CDK8: variants seen among roughly 807,000 people sequenced by gnomAD.
The protein encoded by CDK8 is cyclin dependent kinase 8.
A neutral mutation model predicts 71.5 loss-of-function variants in CDK8; 29 were observed. The observed-to-expected ratio is 0.41, with a 90% CI of 0.30 to 0.55. The LOEUF is 0.55. CDK8 is among the 20% of genes least tolerant of loss of function. The probability of loss-of-function intolerance (pLI) is 0.37; values close to 1 mark genes in which losing one functional copy is unlikely to be tolerated. For synonymous variants in CDK8, 161 were observed against 192.1 expected, an observed-to-expected ratio of 0.84 and a Z score of 1.34; for missense variants, 288 against 572.6, an observed-to-expected ratio of 0.50 and a Z score of 5.07.
At chr13:26,303,902 C>G (rs552267823) in intron 1 of CDK8, among the ~76,000 whole-genome samples, 4 of 152,268 alleles carry the variant, frequency 2.6e-5, no homozygotes, top group African/African-American at 9.6e-5. Context: ...CCCAGCTACA[C>G]TCGATTTCTG....
chr13:26,377,420 A>G (rs967869894), intron 4 of CDK8, among the ~76,000 whole-genome samples: 10 of 152,246 alleles, frequency 6.6e-5, no homozygotes, highest in African/African-American at 2.4e-4. Flanking sequence ...TTCAGTGAAC[A>G]TAAGAATGAA....
At chr13:26,321,494 A>AC (rs948199107) in intron 1 of CDK8, among the ~76,000 whole-genome samples, 3 of 152,020 alleles carry the variant, frequency 2.0e-5, no homozygotes, top group Non-Finnish European at 1.5e-5. Flanking sequence ...GGTATTTAAT[A>AC]CCTTTGAACT....
intron 1 of CDK8, among the ~76,000 whole-genome samples, chr13:26,271,806 CTTTTTTTTTTTTTTTTTTTT>C (rs58160694): frequency 2.9e-4 from 18 of 62,664 alleles, no homozygotes; most frequent in African/African-American, 6.1e-4. Context: ...GAGACCCTGT[CTTTTTTTTTTTTTTTTTTTT>C]TTTTTTTTTT....
intron 4 of CDK8, among the ~76,000 whole-genome samples, chr13:26,366,040 T>C (rs572046472): frequency 6.6e-6 from 1 of 152,246 alleles, no homozygotes; most frequent in South Asian, 2.1e-4. Flanking sequence ...TTTAGAGTTA[T>C]TTTCCAGACT....
chr13:26,259,961 CAG>C (rs1197586053), intron 1 of CDK8, among the ~76,000 whole-genome samples: 2 of 152,078 alleles, frequency 1.3e-5, no homozygotes, highest in East Asian at 1.9e-4. Flanking sequence ...TATGGCAACA[CAG>C]AGAAGGAAGT....
At chr13:26,345,662 C>T (rs1220012834) in intron 2 of CDK8, among the ~76,000 whole-genome samples, 3 of 152,096 alleles carry the variant, frequency 2.0e-5, no homozygotes, top group African/African-American at 4.8e-5. Context: ...GGATTACAGG[C>T]GTGAGCCACT....
At chr13:26,315,926 T>G (rs1362116203) in intron 1 of CDK8, among the ~76,000 whole-genome samples, 1 of 152,058 alleles carries the variant, frequency 6.6e-6, no homozygotes, top group Non-Finnish European at 1.5e-5. Context: ...AACCCTGGAG[T>G]CTGTTGAAGG....
chr13:26,383,282 T>A (rs1178426323), intron 5 of CDK8, among the ~76,000 whole-genome samples: 1 of 152,196 alleles, frequency 6.6e-6, no homozygotes, highest in African/African-American at 2.4e-5. Context: ...TCGTCTAGAT[T>A]AGGAGTTGTT....
rs545045423 is a variant in CDK8 at position 26,356,283 on chromosome 13, A to T, written c.456+2403A>T. On this transcript the variant is annotated intron_variant, in intron 4 of 12. Coordinates refer to ENST00000381527, the MANE Select transcript of CDK8 (RefSeq NM_001260.3). ...AATTCTGAACAATTTCAGTAATAAA[A>T]TATTTCTCTACGGTGAGGCAAATCA... Among the ~76,000 whole-genome samples the T allele has an allele frequency of 2.5e-3, 377 of 152,298 alleles. 1 individual carries two copies. The highest frequency in any genetic ancestry group is 3.7e-3 in the Non-Finnish European group (254 of 68,028).
chr13:26,341,231 A>T (rs1292795526), intron 2 of CDK8, among the ~76,000 whole-genome samples: 1 of 152,114 alleles, frequency 6.6e-6, no homozygotes, highest in African/African-American at 2.4e-5. Context: ...GGTTCAAGTG[A>T]TTCTCCTGCC....
intron 1 of CDK8, among the ~76,000 whole-genome samples, chr13:26,297,718 G>T (rs1226366846): frequency 1.3e-5 from 2 of 152,276 alleles, no homozygotes; most frequent in Admixed American, 1.3e-4. Context: ...TTAGGAGGAT[G>T]TTAAGGAAAC....
chr13:26,287,202 G>A (rs1873064266), intron 1 of CDK8, among the ~76,000 whole-genome samples: 1 of 152,174 alleles, frequency 6.6e-6, no homozygotes, highest in African/African-American at 2.4e-5. Flanking sequence ...CACATTTATA[G>A]CAGCACACTT....
At chr13:26,321,749 A>G (rs550199773) in intron 1 of CDK8, among the ~76,000 whole-genome samples, 2 of 152,144 alleles carry the variant, frequency 1.3e-5, no homozygotes, top group East Asian at 3.9e-4. Context: ...TTTCTCTTCT[A>G]TATATACATG....
At chr13:26,294,411 A>C (rs1873447114) in intron 1 of CDK8, among the ~76,000 whole-genome samples, 1 of 152,230 alleles carries the variant, frequency 6.6e-6, no homozygotes, top group South Asian at 2.1e-4. Context: ...TCTCTTCAAC[A>C]TACTGAATTC....
chr13:26,258,162 T>C (rs1227909371), intron 1 of CDK8, among the ~76,000 whole-genome samples: 1 of 152,156 alleles, frequency 6.6e-6, no homozygotes, highest in African/African-American at 2.4e-5. Context: ...GTTAAGCAAA[T>C]TTACCCATGA....
At chr13:26,264,695 C>T (rs1871945170) in intron 1 of CDK8, among the ~76,000 whole-genome samples, 1 of 152,110 alleles carries the variant, frequency 6.6e-6, no homozygotes, top group African/African-American at 2.4e-5. Flanking sequence ...TCTATATCTG[C>T]ACCCTTTAAC....
At chr13:26,393,166 C>A (rs1395837739) in intron 6 of CDK8, among the ~76,000 whole-genome samples, 1 of 151,802 alleles carries the variant, frequency 6.6e-6, no homozygotes, top group Non-Finnish European at 1.5e-5. Flanking sequence ...GGAATATATA[C>A]TTATAATAAT....
intron 1 of CDK8, among the ~76,000 whole-genome samples, chr13:26,324,049 A>G (rs933525927): frequency 2.6e-5 from 4 of 152,182 alleles, no homozygotes; most frequent in Admixed American, 1.3e-4. Flanking sequence ...ATCCTTACCA[A>G]TTTAAATGAG....
At chr13:26,320,269 T>G (rs1874712122) in intron 1 of CDK8, among the ~76,000 whole-genome samples, 3 of 151,856 alleles carry the variant, frequency 2.0e-5, no homozygotes, top group Admixed American at 6.6e-5. Flanking sequence ...AAAAAGGCTG[T>G]GTGTGGTAGT....
Sources: allele counts gnomAD v4.1 joint callset (sites outside exome capture counted in the v4.1 genomes callset), GRCh38; gene constraint gnomAD v4.1.1; transcripts MANE v1.5; gene names NCBI Gene and HGNC (gene_info 2026-07-23, HGNC 2026-07-21).